The following FBXW8 variants were observed in gnomAD, a reference collection of about 807,000 sequenced individuals.
The protein encoded by FBXW8 is F-box and WD repeat domain containing 8, also known as F-box/WD repeat-containing protein 8.
In FBXW8, 57 loss-of-function variants were observed where a neutral mutation model predicts 65.3. The ratio of observed to expected loss-of-function variants is 0.87; its 90% CI spans 0.71 to 1.09. The LOEUF (loss-of-function observed/expected upper bound fraction) is 1.09, where lower values mean the gene tolerates loss of function less well. FBXW8 is among the 50% of genes least tolerant of loss of function. The pLI, the probability that FBXW8 is intolerant of heterozygous loss-of-function variation, is 0.00. For synonymous variants in FBXW8, 308 were observed against 330.2 expected, an observed-to-expected ratio of 0.93 and a Z score of 0.73; for missense variants, 777 against 814.8, an observed-to-expected ratio of 0.95 and a Z score of 0.57.
chr12:116,922,481 T>C lies in FBXW8; in HGVS notation c.319-5542T>C, dbSNP rs558305569. ...AACCACCACCCAGAGAGATCTTTCA[T>C]GTCCTCTTTGCCCTGGAGATGTACA... On this transcript the variant is annotated intron_variant, in intron 1 of 10. Transcript: ENST00000652555. Among the ~76,000 whole-genome samples the C allele has an allele frequency of 3.2e-4, 48 of 152,364 alleles. 1 individual carries two copies. In the South Asian group the frequency reaches 9.7e-3, roughly 31 times the overall value.
chr12:116,965,058 A>C (rs1263038559), intron 5 of FBXW8, among the ~76,000 whole-genome samples: 3 of 152,248 alleles, frequency 2.0e-5, no homozygotes, highest in Non-Finnish European at 4.4e-5. Context: ...GGAACACAGC[A>C]CCCATTAAAA....
At chr12:117,018,406 A>T (rs1057403625) in intron 8 of FBXW8, among the ~76,000 whole-genome samples, 3 of 152,172 alleles carry the variant, frequency 2.0e-5, no homozygotes, top group African/African-American at 7.2e-5. Context: ...TCTGGTGCCC[A>T]TTTGCTGTGC....
chr12:116,913,042 A>G (rs1396008819), intron 1 of FBXW8, among the ~76,000 whole-genome samples: 2 of 152,182 alleles, frequency 1.3e-5, no homozygotes, highest in Non-Finnish European at 2.9e-5. Flanking sequence ...TTTCAACTCC[A>G]AGTTTCACCA....
intron 5 of FBXW8, among the ~76,000 whole-genome samples, chr12:116,979,777 CAAAAAAA>C (rs60145855): frequency 1.5e-4 from 11 of 74,532 alleles, no homozygotes; most frequent in African/African-American, 3.3e-4. Flanking sequence ...CAGGGAATGG[CAAAAAAA>C]AAAAAAAAAA....
intron 7 of FBXW8, among the ~76,000 whole-genome samples, chr12:116,995,166 C>G (rs761211033): frequency 6.6e-6 from 1 of 152,248 alleles, no homozygotes; most frequent in Non-Finnish European, 1.5e-5. Context: ...GCATGACTGA[C>G]AGCCCTATCC....
chr12:117,002,222 G>A (rs574508806), intron 7 of FBXW8, among the ~76,000 whole-genome samples: 1 of 152,374 alleles, frequency 6.6e-6, no homozygotes, highest in African/African-American at 2.4e-5. Context: ...CAGGTGCATT[G>A]GCACGTGGTG....
chr12:117,023,691 G>C (rs1389695657), intron 8 of FBXW8, among the ~76,000 whole-genome samples: 1 of 152,220 alleles, frequency 6.6e-6, no homozygotes, highest in Non-Finnish European at 1.5e-5. Flanking sequence ...ACAAAGTCAA[G>C]TGAAATACCC....
In FBXW8 at chr12:116,977,052, A is replaced by AT. The variant is rs142776287; in HGVS notation, c.836-8151dup. Among the ~76,000 whole-genome samples the AT allele has an allele frequency of 9.7e-4, 147 of 152,236 alleles. 1 individual carries two copies. The East Asian group carries it at 0.019, about 20-fold the overall frequency. ...TCGGGGCCTTGTGGCAAAACCATCTATTTGTTGGGGGGATTTGCATTGGTA... is the reference window on the plus strand; with the variant it reads ...TCGGGGCCTTGTGGCAAAACCATCTATTTTGTTGGGGGGATTTGCATTGGTA... On this transcript the variant is annotated intron_variant, in intron 5 of 10. Transcript: ENST00000652555.
At chr12:117,008,471 T>G (rs1268698573) in intron 7 of FBXW8, among the ~76,000 whole-genome samples, 1 of 152,248 alleles carries the variant, frequency 6.6e-6, no homozygotes, top group East Asian at 1.9e-4. Context: ...TCTTTTCAAC[T>G]GCAATTGTTC....
At chr12:116,934,316 T>C (rs1206471789) in intron 2 of FBXW8, among the ~76,000 whole-genome samples, 1 of 152,208 alleles carries the variant, frequency 6.6e-6, no homozygotes, top group Non-Finnish European at 1.5e-5. Context: ...ACTTAATCTC[T>C]CTGTGGGAGT....
intron 7 of FBXW8, among the ~76,000 whole-genome samples, chr12:117,000,169 G>C (rs1953479904): frequency 6.6e-6 from 1 of 152,066 alleles, no homozygotes; most frequent in Non-Finnish European, 1.5e-5. Context: ...GTAGAGACGT[G>C]GTTTCACCGT....
intron 5 of FBXW8, among the ~76,000 whole-genome samples, chr12:116,981,314 T>A (rs2135661476): frequency 6.6e-6 from 1 of 152,362 alleles, no homozygotes; most frequent in Admixed American, 6.5e-5. Flanking sequence ...GGGGCAGATA[T>A]CCAACAATAC....
At chr12:116,918,002 AAAC>A (rs1434632112) in intron 1 of FBXW8, among the ~76,000 whole-genome samples, 1 of 151,058 alleles carries the variant, frequency 6.6e-6, no homozygotes, top group Non-Finnish European at 1.5e-5. Flanking sequence ...AAAAAAAAAA[AAAC>A]AAAAAAAAAA....
chr12:116,967,792 A>C lies in FBXW8; in HGVS notation c.835+2938A>C, dbSNP rs191918835. 2.0e-5 allele frequency among the ~76,000 whole-genome samples: 3 copies of C among 152,284 alleles called. No individual in the cohort carries two copies. The East Asian group carries it at 5.8e-4, about 29-fold the overall frequency. On this transcript the variant is annotated intron_variant, in intron 5 of 10. Coordinates refer to ENST00000652555, the MANE Select transcript of FBXW8 (RefSeq NM_153348.3). ...TTCTTTTTTGTTTGTTTTGAGATAG[A>C]GTCTGGCTTTGTCATCCAGACTGGA...
chr12:116,980,519 C>G (rs1183326576), intron 5 of FBXW8: 1 of 152,218 alleles, frequency 6.6e-6, no homozygotes, highest in Admixed American at 6.5e-5. Flanking sequence ...GAAAAGGACA[C>G]AGTCTTGCCA....
At chr12:116,968,060 C>T (rs578112135) in intron 5 of FBXW8, among the ~76,000 whole-genome samples, 239 of 152,242 alleles carry the variant, frequency 1.6e-3, no homozygotes, top group African/African-American at 5.5e-3. Context: ...TGAGCCACCG[C>T]GCCTGGCTTG....
chr12:116,964,992 C>T (rs1884227964), intron 5 of FBXW8, 138 bp downstream of exon 5: 3 of 838,900 alleles, frequency 3.6e-6, no homozygotes, highest in Non-Finnish European at 5.3e-6. Context: ...CATACACTCA[C>T]TCTTGCTTTT....
rs1953449352 is a variant in FBXW8 at position 116,999,151 on chromosome 12, G to A, written c.1239+10282G>A. Among the ~76,000 whole-genome samples the A allele has an allele frequency of 2.0e-5, 3 of 152,288 alleles. No individual in the cohort carries two copies. The South Asian group carries it at 6.2e-4, about 32-fold the overall frequency. ...ATTTACAGGGTAAATCCCCTTTGTA[G>A]AGAGCAAAGGAAAACTCCTGCTCAG... On this transcript the variant is annotated intron_variant, in intron 7 of 10. Coordinates refer to ENST00000652555, the MANE Select transcript of FBXW8 (RefSeq NM_153348.3).
intron 7 of FBXW8, among the ~76,000 whole-genome samples, chr12:117,009,172 G>GA (rs1201498150): frequency 2.0e-5 from 3 of 152,188 alleles, no homozygotes; most frequent in Non-Finnish European, 4.4e-5. Flanking sequence ...AAAAGTTTGA[G>GA]ACCCGGCTGG....
Sources: gnomAD v4.1 joint callset for allele counts (sites outside exome capture counted in the v4.1 genomes callset) on GRCh38, gnomAD v4.1.1 for gene constraint, MANE v1.5 for transcripts, NCBI Gene and HGNC (gene_info 2026-07-23, HGNC 2026-07-21) for gene names.